The following CNIH3 variants were observed in gnomAD, a reference collection of about 807,000 sequenced individuals.
CNIH3 encodes the protein cornichon family AMPA receptor auxiliary protein 3, also known as protein cornichon homolog 3.
In CNIH3, 14 loss-of-function variants were observed where a neutral mutation model predicts 24.1. The ratio of observed to expected loss-of-function variants is 0.58; its 90% CI spans 0.38 to 0.91. CNIH3 has a LOEUF of 0.91. CNIH3 is among the 40% of genes least tolerant of loss of function. The pLI is 0.00. For synonymous variants in CNIH3, 68 were observed against 73.8 expected, an observed-to-expected ratio of 0.92 and a Z score of 0.40; for missense variants, 178 against 196.8, an observed-to-expected ratio of 0.90 and a Z score of 0.57.
chr1:224,459,057 G>A, intron 1 of CNIH3: 1 of 239,610 alleles, frequency 4.2e-6, no homozygotes, highest in Non-Finnish European at 6.8e-6. Context: ...GCCATCCCAG[G>A]ATTGGTTCCA....
chr1:224,639,490 G>A (rs140248725), intron 1 of CNIH3, among the ~76,000 whole-genome samples: 3 of 152,364 alleles, frequency 2.0e-5, no homozygotes, highest in East Asian at 1.9e-4. Context: ...AAGGAACAGC[G>A]TGATAAGCAA....
intron 3 of CNIH3, among the ~76,000 whole-genome samples, chr1:224,707,155 G>A (rs987128980): frequency 6.6e-5 from 10 of 151,636 alleles, no homozygotes; most frequent in Admixed American, 6.6e-4. Context: ...GTAGACATGG[G>A]GTTTCACCAT....
chr1:224,474,755 C>T lies in CNIH3; in HGVS notation n.203+39893C>T, dbSNP rs189411000. Reference sequence around the variant, plus strand: ...AAATAAGGGAAATCGGAGCCCGGGCCGGTGGCTCACGCCTGTAATCCCAGC... The same window carrying T: ...AAATAAGGGAAATCGGAGCCCGGGCTGGTGGCTCACGCCTGTAATCCCAGC... On this transcript the variant is annotated intron_variant and non_coding_transcript_variant, in intron 1 of 5. Coordinates refer to the CNIH3 transcript ENST00000471578. Among the ~76,000 whole-genome samples, 995 of 152,054 alleles carry T rather than the reference C, an allele frequency of 6.5e-3. 4 individuals are homozygous for T. The highest frequency in any genetic ancestry group is 0.031 in the Middle Eastern group (9 of 294).
At chr1:224,665,850 A>G (rs1023224237) in intron 1 of CNIH3, among the ~76,000 whole-genome samples, 1 of 146,506 alleles carries the variant, frequency 6.8e-6, no homozygotes, top group Non-Finnish European at 1.5e-5. Flanking sequence ...AAGCCCAAGG[A>G]TTCTGTCTGT....
intron 4 of CNIH3, among the ~76,000 whole-genome samples, chr1:224,734,042 C>A (rs1373561402): frequency 6.6e-6 from 1 of 152,242 alleles, no homozygotes; most frequent in Non-Finnish European, 1.5e-5. Context: ...CACGCTGTCT[C>A]CCGACAGATG....
chr1:224,474,327 G>A (rs1231564886), intron 1 of CNIH3, among the ~76,000 whole-genome samples: 1 of 149,580 alleles, frequency 6.7e-6, no homozygotes, highest in Non-Finnish European at 1.5e-5. Context: ...TTGTGCCATT[G>A]CATTACAGCC....
At chr1:224,436,934 A>G (rs1379456853) in intron 1 of CNIH3, 2 of 152,188 alleles carry the variant, frequency 1.3e-5, no homozygotes, top group Non-Finnish European at 2.9e-5. Flanking sequence ...GTCTTTGACT[A>G]CACTCTCCCG....
intron 3 of CNIH3, among the ~76,000 whole-genome samples, chr1:224,554,016 A>G (rs1680034608): frequency 1.3e-5 from 2 of 152,296 alleles, no homozygotes; most frequent in South Asian, 4.1e-4. Flanking sequence ...TCTCCTTTTT[A>G]TTACCATAGA....
At chr1:224,599,574 T>C (rs1682125063) in intron 3 of CNIH3, among the ~76,000 whole-genome samples, 1 of 151,820 alleles carries the variant, frequency 6.6e-6, no homozygotes, top group Non-Finnish European at 1.5e-5. Context: ...AATAAGTTCA[T>C]AATTTATTTG....
intron 1 of CNIH3, among the ~76,000 whole-genome samples, chr1:224,655,775 A>T (rs555664397): frequency 6.6e-6 from 1 of 152,332 alleles, no homozygotes; most frequent in East Asian, 1.9e-4. Context: ...AAGATGAGAG[A>T]TCAGTCCCAA....
intron 3 of CNIH3, among the ~76,000 whole-genome samples, chr1:224,713,963 C>T (rs886770133): frequency 2.6e-5 from 4 of 152,124 alleles, no homozygotes; most frequent in African/African-American, 9.7e-5. Flanking sequence ...TACAGGCATG[C>T]ACCACCACAC....
intron 3 of CNIH3, among the ~76,000 whole-genome samples, chr1:224,724,913 A>G (rs1688935271): frequency 6.6e-6 from 1 of 152,162 alleles, no homozygotes; most frequent in African/African-American, 2.4e-5. Flanking sequence ...TATGATTATT[A>G]AAAATAATAA....
intron 5 of CNIH3, among the ~76,000 whole-genome samples, chr1:224,737,386 C>G (rs1253960409): frequency 6.6e-6 from 1 of 152,182 alleles, no homozygotes; most frequent in East Asian, 1.9e-4. Context: ...CACTCTGTTT[C>G]TAAAACAAAA....
intron 1 of CNIH3, among the ~76,000 whole-genome samples, chr1:224,657,874 A>G (rs1685172929): frequency 6.6e-6 from 1 of 152,226 alleles, no homozygotes; most frequent in Non-Finnish European, 1.5e-5. Context: ...TTGAAGACAC[A>G]ATTGACAAGG....
chr1:224,550,607 A>C (rs1679876142), intron 3 of CNIH3, among the ~76,000 whole-genome samples: 2 of 152,240 alleles, frequency 1.3e-5, no homozygotes, highest in South Asian at 4.1e-4. Flanking sequence ...GTGGGCAAAC[A>C]CTGAACGTTA....
intron 1 of CNIH3, chr1:224,661,610 G>A: frequency 2.9e-6 from 1 of 349,152 alleles, no homozygotes; most frequent in Non-Finnish European, 5.5e-6. Context: ...TCTACGTTAT[G>A]AAATGTGATG....
At chr1:224,654,293 G>C (rs545928181) in intron 1 of CNIH3, among the ~76,000 whole-genome samples, 20 of 152,284 alleles carry the variant, frequency 1.3e-4, no homozygotes, top group African/African-American at 4.8e-4. Context: ...TGAGGCAGGA[G>C]GATCGCTTGA....
intron 1 of CNIH3, among the ~76,000 whole-genome samples, chr1:224,630,286 G>A (rs577785728): frequency 1.1e-4 from 16 of 152,100 alleles, no homozygotes; most frequent in South Asian, 4.1e-4. Context: ...TGGACCAGGC[G>A]GCCTTACCTG....
intron 2 of CNIH3, among the ~76,000 whole-genome samples, chr1:224,528,660 T>C (rs1340151459): frequency 6.6e-6 from 1 of 152,118 alleles, no homozygotes; most frequent in Non-Finnish European, 1.5e-5. Flanking sequence ...GGTCATAGAG[T>C]TACAGGCAAT....
Sources: gnomAD v4.1 joint callset for allele counts (sites outside exome capture counted in the v4.1 genomes callset) on GRCh38, gnomAD v4.1.1 for gene constraint, MANE v1.5 for transcripts, NCBI Gene and HGNC (gene_info 2026-07-23, HGNC 2026-07-21) for gene names.